SORCS2: variants seen among roughly 807,000 people sequenced by gnomAD.
The protein encoded by SORCS2 is sortilin related VPS10 domain containing receptor 2, also known as VPS10 domain-containing receptor SorCS2.
A neutral mutation model predicts 141.6 loss-of-function variants in SORCS2; 100 were observed. That is an observed-to-expected ratio of 0.71 (90% confidence interval 0.60 to 0.83). The LOEUF is 0.83. SORCS2 is among the 40% of genes least tolerant of loss of function. The pLI, the probability that SORCS2 is intolerant of heterozygous loss-of-function variation, is 0.00. For synonymous variants in SORCS2, 789 were observed against 676.9 expected (o/e 1.17, Z -2.57); for missense variants, 1,646 against 1,560.2 (o/e 1.05, Z -0.93).
At chr4:7,640,422 TCG>T (rs1308769265) in intron 4 of SORCS2, among the ~76,000 whole-genome samples, 2 of 99,676 alleles carry the variant, frequency 2.0e-5, no homozygotes, top group Non-Finnish European at 4.3e-5. Context: ...GTGTGTGTGA[TCG>T]TGTGTGTGAG....
intron 3 of SORCS2, among the ~76,000 whole-genome samples, chr4:7,597,773 T>G (rs1444675623): frequency 6.6e-6 from 1 of 151,812 alleles, no homozygotes; most frequent in Admixed American, 6.6e-5. Context: ...GACATTGAGA[T>G]CTATAAGCAG....
chr4:7,405,788 GATA>G (rs985212526), intron 2 of SORCS2, among the ~76,000 whole-genome samples: 24 of 152,086 alleles, frequency 1.6e-4, no homozygotes, highest in African/African-American at 5.3e-4. Context: ...AGTAAACAGG[GATA>G]ATTTTACTTC....
chr4:7,211,312 C>T (rs1044094127), intron 1 of SORCS2, among the ~76,000 whole-genome samples: 6 of 152,232 alleles, frequency 3.9e-5, no homozygotes, highest in South Asian at 2.1e-4. Flanking sequence ...CAGGAGGGAG[C>T]GTCCACGACG....
chr4:7,333,648 A>G (rs1719802053), intron 1 of SORCS2, among the ~76,000 whole-genome samples: 1 of 151,988 alleles, frequency 6.6e-6, no homozygotes, highest in African/African-American at 2.4e-5. Flanking sequence ...TGCGTGTGCC[A>G]TTGCTTCCCC....
chr4:7,527,474 G>C (rs1351351636), intron 2 of SORCS2, among the ~76,000 whole-genome samples: 6 of 152,164 alleles, frequency 3.9e-5, no homozygotes. Context: ...GGGCCTCGGG[G>C]CCTCGGGGCG....
intron 3 of SORCS2, among the ~76,000 whole-genome samples, chr4:7,583,184 C>G (rs1716275125): frequency 6.6e-6 from 1 of 152,150 alleles, no homozygotes; most frequent in African/African-American, 2.4e-5. Context: ...GTCTTTCTGA[C>G]CCCATTTCAG....
intron 8 of SORCS2, among the ~76,000 whole-genome samples, chr4:7,668,558 C>A (rs1722629160): frequency 6.6e-6 from 1 of 152,196 alleles, no homozygotes; most frequent in East Asian, 1.9e-4. Flanking sequence ...GGAGCTTCTG[C>A]ACTGGGCACC....
At chr4:7,451,966 G>T (rs564030677) in intron 2 of SORCS2, among the ~76,000 whole-genome samples, 1 of 152,232 alleles carries the variant, frequency 6.6e-6, no homozygotes, top group East Asian at 1.9e-4. Context: ...TTTGGCCAAG[G>T]CAGGAAGTGC....
In SORCS2 at chr4:7,531,753, G is replaced by A. The variant is rs143373851; in HGVS notation, c.648+124G>A. 129 of 934,120 alleles carry A rather than the reference G, an allele frequency of 1.4e-4. 1 individual carries two copies. In the East Asian group the frequency reaches 3.3e-3, roughly 24 times the overall value. 57.9% of individuals were successfully genotyped at this position (934,120 alleles called of 1,614,324 possible). A position where few individuals can be genotyped will look rare whatever the true frequency, so the allele number is the denominator to read the frequency against. On this transcript the variant is annotated intron_variant, in intron 3 of 26. Coordinates refer to ENST00000507866, the MANE Select transcript of SORCS2 (RefSeq NM_020777.3). ...TTTGGCCCAGGCCGGAGTGTGAGAT[G>A]TTTCCCTCCCAGCTCTCACTGCCAC... is the stretch of plus-strand genomic sequence containing the variant.
intron 23 of SORCS2, 122 bp downstream of exon 23, chr4:7,729,834 C>T: frequency 7.3e-7 from 1 of 1,360,752 alleles, no homozygotes; most frequent in Non-Finnish European, 9.9e-7. Flanking sequence ...CGCTGCATCT[C>T]AGTCTGACTC....
At chr4:7,273,537 C>T (rs1421875729) in intron 1 of SORCS2, among the ~76,000 whole-genome samples, 1 of 152,172 alleles carries the variant, frequency 6.6e-6, no homozygotes, top group Admixed American at 6.5e-5. Flanking sequence ...CAGTAATCAG[C>T]CCTCAGCATG....
rs185498077 is a variant in SORCS2, at chr4:7,721,945, G to A, written c.2425-1752G>A. 1.2e-3 allele frequency among the ~76,000 whole-genome samples: 176 copies of A among 152,268 alleles called. 1 individual carries two copies. The highest frequency in any genetic ancestry group is 3.9e-3 in the African/African-American group (160 of 41,552). On this transcript the variant is annotated intron_variant, in intron 18 of 26. Coordinates refer to ENST00000507866, the MANE Select transcript of SORCS2 (RefSeq NM_020777.3). ...TAATGGATATAAATGAAATATACCA[G>A]GATGTGAATGGAGGGTATTATGGTG...
chr4:7,337,042 A>G (rs1263252479), intron 1 of SORCS2, among the ~76,000 whole-genome samples: 1 of 152,124 alleles, frequency 6.6e-6, no homozygotes, highest in East Asian at 1.9e-4. Flanking sequence ...GTGGCTGAGA[A>G]GAGAGAGGCT....
intron 3 of SORCS2, among the ~76,000 whole-genome samples, chr4:7,610,038 A>G (rs1431112685): frequency 1.3e-5 from 2 of 152,336 alleles, no homozygotes; most frequent in South Asian, 2.1e-4. Context: ...GTTGATGATT[A>G]GCTCACTAAC....
intron 1 of SORCS2, among the ~76,000 whole-genome samples, chr4:7,345,800 C>G (rs1252478476): frequency 6.6e-6 from 1 of 152,200 alleles, no homozygotes; most frequent in East Asian, 1.9e-4. Flanking sequence ...CTGCCGCCCT[C>G]TCTCCCCAAC....
At chr4:7,511,277 CAGAG>C (rs895166753) in intron 2 of SORCS2, among the ~76,000 whole-genome samples, 7 of 150,350 alleles carry the variant, frequency 4.7e-5, no homozygotes, top group African/African-American at 1.5e-4. Context: ...CAGGTCTGTG[CAGAG>C]AGAGAGAGAA....
At chr4:7,609,203 T>C (rs920665164) in intron 3 of SORCS2, among the ~76,000 whole-genome samples, 1 of 152,192 alleles carries the variant, frequency 6.6e-6, no homozygotes, top group Non-Finnish European at 1.5e-5. Flanking sequence ...TTGTTGTTTT[T>C]CATTTGTTTG....
intron 2 of SORCS2, among the ~76,000 whole-genome samples, chr4:7,524,695 G>T (rs1373047607): frequency 6.6e-6 from 1 of 151,902 alleles, no homozygotes; most frequent in Non-Finnish European, 1.5e-5. Flanking sequence ...AGTGGGGTGC[G>T]GCAGTGCCTC....
intron 4 of SORCS2, among the ~76,000 whole-genome samples, chr4:7,639,837 A>C (rs1258360547): frequency 2.1e-5 from 3 of 145,776 alleles, no homozygotes; most frequent in Non-Finnish European, 4.5e-5. Flanking sequence ...TTTAGTGTGT[A>C]AATGTGTGGG....
Sources: gnomAD v4.1 joint callset for allele counts (sites outside exome capture counted in the v4.1 genomes callset) on GRCh38, gnomAD v4.1.1 for gene constraint, MANE v1.5 for transcripts, NCBI Gene and HGNC (gene_info 2026-07-23, HGNC 2026-07-21) for gene names.